The following PABPC4L variants were observed in gnomAD, a reference collection of about 807,000 sequenced individuals.
PABPC4L encodes polyadenylate-binding protein 4-like.
For missense variants in PABPC4L, 452 were observed against 451.4 expected, an observed-to-expected ratio of 1.00 and a Z score of -0.01; for synonymous variants, 169 against 164.1, an observed-to-expected ratio of 1.03 and a Z score of -0.23.
chr4:134,008,656 T>C, the PABPC4L span, among the ~76,000 whole-genome samples: 1 of 151,830 alleles, frequency 6.6e-6, no homozygotes, highest in Non-Finnish European at 1.5e-5. Context: ...GTGAGATGAA[T>C]ATATTTTGAC....
chr4:133,950,506 C>A, the PABPC4L span, among the ~76,000 whole-genome samples: 5 of 152,122 alleles, frequency 3.3e-5, no homozygotes, highest in Admixed American at 1.3e-4. Flanking sequence ...TTGCATGACA[C>A]ATATGCTGGG....
At chr4:134,039,516 G>A in the PABPC4L span, among the ~76,000 whole-genome samples, 31 of 152,126 alleles carry the variant, frequency 2.0e-4, 1 homozygote, top group South Asian at 3.5e-3. Flanking sequence ...TGTATTGGGC[G>A]CATATATATT....
chr4:134,005,082 A>G, the PABPC4L span, among the ~76,000 whole-genome samples: 1 of 151,834 alleles, frequency 6.6e-6, no homozygotes, highest in Non-Finnish European at 1.5e-5. Flanking sequence ...TGTAAATGTA[A>G]AAATTGCTGA....
chr4:134,082,738 A>G, the PABPC4L span, among the ~76,000 whole-genome samples: 1 of 152,028 alleles, frequency 6.6e-6, no homozygotes, highest in Admixed American at 6.6e-5. Flanking sequence ...TCAACCTTAC[A>G]TCATTAGCAT....
At chr4:134,121,099 C>T in the PABPC4L span, among the ~76,000 whole-genome samples, 1 of 151,130 alleles carries the variant, frequency 6.6e-6, no homozygotes, top group Non-Finnish European at 1.5e-5. Flanking sequence ...GCTGTTAACC[C>T]ATATGGTGAG....
chr4:134,018,372 TGC>T, the PABPC4L span, among the ~76,000 whole-genome samples: 1 of 152,168 alleles, frequency 6.6e-6, no homozygotes, highest in Non-Finnish European at 1.5e-5. Flanking sequence ...TTCACACTGA[TGC>T]GCATGAAAAT....
the PABPC4L span, among the ~76,000 whole-genome samples, chr4:134,069,077 T>A: frequency 1.3e-5 from 2 of 152,230 alleles, no homozygotes; most frequent in Non-Finnish European, 2.9e-5. Context: ...TATCTCTCCT[T>A]CGCTTATGAA....
At chr4:134,120,553 T>G in the PABPC4L span, among the ~76,000 whole-genome samples, 16 of 150,942 alleles carry the variant, frequency 1.1e-4, no homozygotes, top group African/African-American at 3.6e-4. Context: ...TGGAGAAAAT[T>G]TTTTTAGTTT....
the PABPC4L span, among the ~76,000 whole-genome samples, chr4:134,136,065 C>T: frequency 2.5e-4 from 38 of 152,132 alleles, no homozygotes; most frequent in African/African-American, 8.7e-4. Context: ...TCCCATGACC[C>T]AAATCAGGAA....
chr4:134,079,160 C>T, the PABPC4L span, among the ~76,000 whole-genome samples: 4 of 150,850 alleles, frequency 2.7e-5, no homozygotes, highest in Non-Finnish European at 5.9e-5. Context: ...TTAGTAGAGA[C>T]GGTGTTTCAC....
the PABPC4L span, among the ~76,000 whole-genome samples, chr4:134,081,317 C>A: frequency 1.3e-5 from 2 of 152,190 alleles, no homozygotes; most frequent in South Asian, 2.1e-4. Flanking sequence ...CACAAGAGTG[C>A]CCCAAATTAG....
At chr4:134,159,184 C>G in the PABPC4L span, among the ~76,000 whole-genome samples, 1 of 152,096 alleles carries the variant, frequency 6.6e-6, no homozygotes, top group African/African-American at 2.4e-5. Flanking sequence ...GAACACTGTT[C>G]ACTTAAACTA....
chr4:134,004,487 G>T, the PABPC4L span, among the ~76,000 whole-genome samples: 1 of 151,824 alleles, frequency 6.6e-6, no homozygotes, highest in Non-Finnish European at 1.5e-5. Context: ...ATAAGTGTTG[G>T]CACAGATGTG....
chr4:134,091,015 A>G, the PABPC4L span, among the ~76,000 whole-genome samples: 1 of 151,894 alleles, frequency 6.6e-6, no homozygotes, highest in Non-Finnish European at 1.5e-5. Flanking sequence ...TACTTTTGGT[A>G]TTAACCTGTG....
chr4:133,965,203 C>T, the PABPC4L span, among the ~76,000 whole-genome samples: 1 of 152,060 alleles, frequency 6.6e-6, no homozygotes, highest in African/African-American at 2.4e-5. Context: ...AAATCAAGAA[C>T]TCAAGCCCTT....
chr4:134,090,729 C>T, the PABPC4L span, among the ~76,000 whole-genome samples: 1 of 151,440 alleles, frequency 6.6e-6, no homozygotes, highest in South Asian at 2.1e-4. Context: ...TACCATTGCA[C>T]TCCAGCCTAG....
the PABPC4L span, among the ~76,000 whole-genome samples, chr4:134,121,805 T>C: frequency 6.6e-6 from 1 of 151,918 alleles, no homozygotes; most frequent in East Asian, 1.9e-4. Flanking sequence ...AGGATGGTGA[T>C]CCTTTACTAT....
At chr4:134,087,183 A>G in the PABPC4L span, among the ~76,000 whole-genome samples, 144 of 152,126 alleles carry the variant, frequency 9.5e-4, no homozygotes, top group African/African-American at 3.1e-3. Context: ...ACCAACCCAA[A>G]TGTCCAACAA....
chr4:134,144,886 T>A, the PABPC4L span, among the ~76,000 whole-genome samples: 1 of 151,866 alleles, frequency 6.6e-6, no homozygotes, highest in East Asian at 1.9e-4. Flanking sequence ...TCATGCTGAC[T>A]TCTTTTTCCT....
Sources: allele counts gnomAD v4.1 joint callset (sites outside exome capture counted in the v4.1 genomes callset), GRCh38; gene constraint gnomAD v4.1.1; transcripts MANE v1.5; gene names NCBI Gene and HGNC (gene_info 2026-07-23, HGNC 2026-07-21).